Variants in CNTN4 observed in about 807,000 individuals in gnomAD.
CNTN4 encodes contactin 4.
Under a neutral mutation model 122.5 loss-of-function variants are expected in CNTN4, and 77 were observed. The ratio of observed to expected loss-of-function variants is 0.63; its 90% CI spans 0.52 to 0.76. The LOEUF (loss-of-function observed/expected upper bound fraction) is 0.76. Among genes scored for constraint, CNTN4 ranks in the 30% least tolerant of loss-of-function variants. The probability of loss-of-function intolerance (pLI) is 0.00; values close to 1 mark genes in which losing one functional copy is unlikely to be tolerated. For missense variants in CNTN4, 1,256 were observed against 1,259.1 expected (o/e 1.00, Z 0.04); for synonymous variants, 512 against 447.0 (o/e 1.15, Z -1.83).
chr3:2,850,288 A>T (rs890559395), intron 7 of CNTN4, among the ~76,000 whole-genome samples: 7 of 152,192 alleles, frequency 4.6e-5, no homozygotes, highest in African/African-American at 1.7e-4. Flanking sequence ...GCGCCTGGCC[A>T]GCAATCACTT....
intron 4 of CNTN4, among the ~76,000 whole-genome samples, chr3:2,681,992 A>C (rs977157729): frequency 7.2e-5 from 11 of 152,208 alleles, no homozygotes; most frequent in African/African-American, 2.7e-4. Context: ...AACATAAAAT[A>C]CTAGAATGGG....
At chr3:2,484,340 G>C (rs911320464) in intron 3 of CNTN4, among the ~76,000 whole-genome samples, 5 of 152,162 alleles carry the variant, frequency 3.3e-5, no homozygotes, top group Non-Finnish European at 5.9e-5. Flanking sequence ...TCTATTGCTA[G>C]ACAACATTGC....
chr3:2,187,101 TG>T (rs1272804402), intron 2 of CNTN4, among the ~76,000 whole-genome samples: 5 of 152,206 alleles, frequency 3.3e-5, no homozygotes, highest in African/African-American at 1.2e-4. Flanking sequence ...AATAAATTTT[TG>T]TATAAGGTGT....
chr3:2,156,506 C>T (rs1297319908), intron 2 of CNTN4, among the ~76,000 whole-genome samples: 2 of 152,118 alleles, frequency 1.3e-5, no homozygotes, highest in Non-Finnish European at 2.9e-5. Flanking sequence ...ATGTCCTCGG[C>T]GGACTTCCTG....
intron 3 of CNTN4, among the ~76,000 whole-genome samples, chr3:2,354,415 C>T (rs1333936775): frequency 6.6e-6 from 1 of 152,148 alleles, no homozygotes; most frequent in Admixed American, 6.5e-5. Context: ...CCTGTAATCC[C>T]AGCTACTCAG....
intron 13 of CNTN4, among the ~76,000 whole-genome samples, chr3:2,949,382 T>C (rs1271162615): frequency 6.6e-6 from 1 of 152,216 alleles, no homozygotes; most frequent in Non-Finnish European, 1.5e-5. Context: ...AGTTTGTTTT[T>C]TCTGCCTAAC....
At chr3:2,798,066 C>CTCTCCCAT in intron 6 of CNTN4, among the ~76,000 whole-genome samples, 1 of 146,194 alleles carries the variant, frequency 6.8e-6, no homozygotes, top group Admixed American at 6.9e-5. Flanking sequence ...TTTTTTTAAT[C>CTCTCCCAT]CCTCCCACCC....
chr3:3,034,705 C>G lies in CNTN4; in HGVS notation c.1857C>G (p.Pro619=). The G allele has an allele frequency of 1.9e-6, 3 of 1,614,042 alleles. No homozygotes were observed. Among genetic ancestry groups the G allele is most frequent in the Non-Finnish European group, 2.5e-6 (3 of 1,179,966 alleles). Reference sequence around the variant, plus strand: ...CCACTGCTCAGCTCTCCTGGAGACCCGGGCCTGACAACCACAGCCCCATCA... The same window carrying G: ...CCACTGCTCAGCTCTCCTGGAGACCGGGGCCTGACAACCACAGCCCCATCA... ...TDTTAQLSWR[P]GPDNHSPITM... Residue 619 remains proline, a synonymous_variant, in exon 17 of 25, where the codon CCC becomes CCG. Coordinates refer to ENST00000418658, the MANE Select transcript of CNTN4 (RefSeq NM_175607.3).
Position 2,628,627 on chromosome 3 carries a change from A to G in CNTN4, c.55+57069A>G, listed in dbSNP as rs1336197747. Among the ~76,000 whole-genome samples the G allele has an allele frequency of 2.0e-5, 3 of 152,260 alleles. No homozygotes were observed. The East Asian group carries it at 5.8e-4, about 29-fold the overall frequency. ...CTAGTTGCCTTTATCCGTGTCGGTG[A>G]AATGAGAACAAAGCTCTCTATTCTC... On this transcript the variant is annotated intron_variant, in intron 4 of 24. Transcript: ENST00000418658.
chr3:2,568,872 T>G (rs141467130), intron 3 of CNTN4, among the ~76,000 whole-genome samples: 1,631 of 152,330 alleles, frequency 0.011, 32 homozygotes, highest in African/African-American at 0.038. Context: ...GAACTAAATC[T>G]TTATCAGGTA....
chr3:2,606,496 A>G (rs1252526225), intron 4 of CNTN4, among the ~76,000 whole-genome samples: 1 of 152,200 alleles, frequency 6.6e-6, no homozygotes, highest in Non-Finnish European at 1.5e-5. Context: ...GGAACTTAAA[A>G]TAAAATAAAA....
At chr3:2,607,269 C>G (rs752373364) in intron 4 of CNTN4, among the ~76,000 whole-genome samples, 1 of 152,126 alleles carries the variant, frequency 6.6e-6, no homozygotes, top group African/African-American at 2.4e-5. Flanking sequence ...TACCTACAAT[C>G]TAGCCATGAT....
chr3:2,327,523 A>G (rs1245591928), intron 2 of CNTN4, among the ~76,000 whole-genome samples: 1 of 152,184 alleles, frequency 6.6e-6, no homozygotes, highest in East Asian at 1.9e-4. Context: ...TAGGAAAGAA[A>G]ACCAGGTCAT....
At chr3:2,483,016 A>G (rs988111243) in intron 3 of CNTN4, among the ~76,000 whole-genome samples, 3 of 152,036 alleles carry the variant, frequency 2.0e-5, no homozygotes. Context: ...CCAGAATGGT[A>G]GATCCACCTA....
chr3:2,104,575 G>A (rs1026687939), intron 2 of CNTN4, among the ~76,000 whole-genome samples: 17 of 152,116 alleles, frequency 1.1e-4, no homozygotes, highest in African/African-American at 4.1e-4. Context: ...AGAGTGTGAG[G>A]AGATAAATAA....
intron 3 of CNTN4, among the ~76,000 whole-genome samples, chr3:2,514,996 C>T (rs530455771): frequency 1.3e-5 from 2 of 151,892 alleles, no homozygotes; most frequent in East Asian, 1.9e-4. Context: ...CCCTGTTCTC[C>T]TCTCCCTCTG....
chr3:2,258,891 A>G (rs1051966674), intron 2 of CNTN4, among the ~76,000 whole-genome samples: 1 of 152,162 alleles, frequency 6.6e-6, no homozygotes, highest in African/African-American at 2.4e-5. Context: ...AGTGTTTCTC[A>G]GGCACTTAGA....
intron 7 of CNTN4, chr3:2,866,511 C>G: frequency 1.5e-6 from 2 of 1,325,056 alleles, no homozygotes; most frequent in Admixed American, 3.1e-5. Context: ...GGTTGGACAT[C>G]GCTTAATCAG....
In CNTN4 at chr3:2,390,678, AT is replaced by A. The variant is rs374085435; in HGVS notation, c.-89+51452del. Among the ~76,000 whole-genome samples, 1,307 of 152,176 alleles carry A rather than the reference AT, an allele frequency of 8.6e-3. 10 individuals are homozygous for A. The highest frequency in any genetic ancestry group is 0.027 in the Middle Eastern group (8 of 294). On this transcript the variant is annotated intron_variant, in intron 3 of 24. Coordinates refer to ENST00000418658, the MANE Select transcript of CNTN4 (RefSeq NM_175607.3). ...CTGGTTGATTAATAACCTCAATAGG[AT>A]TTTTTTCCCCACCTAACTTCCTTTG...
Sources: allele counts gnomAD v4.1 joint callset (sites outside exome capture counted in the v4.1 genomes callset), GRCh38; gene constraint gnomAD v4.1.1; transcripts MANE v1.5; gene names NCBI Gene and HGNC (gene_info 2026-07-23, HGNC 2026-07-21).